Variants in SERPINB8 observed in about 807,000 individuals in gnomAD.
SERPINB8 encodes the protein serpin B8.
A neutral mutation model predicts 35.3 loss-of-function variants in SERPINB8; 25 were observed. The ratio of observed to expected loss-of-function variants is 0.71; its 90% confidence interval spans 0.52 to 0.99. SERPINB8 has a LOEUF of 0.99. SERPINB8 is among the 50% of genes least tolerant of loss of function. The pLI is 0.00. For synonymous variants in SERPINB8, 186 were observed against 160.8 expected, an observed-to-expected ratio of 1.16 and a Z score of -1.19; for missense variants, 484 against 446.5, an observed-to-expected ratio of 1.08 and a Z score of -0.76.
chr18:64,003,098 G>T (rs912939544), intron 1 of SERPINB8, among the ~76,000 whole-genome samples: 1 of 152,214 alleles, frequency 6.6e-6, no homozygotes, highest in African/African-American at 2.4e-5. Flanking sequence ...TCTCAGGAAA[G>T]GTCCTGCTAA....
At chr18:64,006,141 T>C (rs2332904), downstream of SERPINB8, among the ~76,000 whole-genome samples, 49,746 of 152,008 alleles carry the variant, frequency 0.33, 9,139 homozygotes, top group South Asian at 0.52. Context: ...TCTGATAAAA[T>C]GGCCATGTGG....
chr18:63,979,895 C>T lies in SERPINB8; in HGVS notation c.263C>T (p.Thr88Ile), dbSNP rs373316124. ...NRTGTQYLLR[T>I]ANRLFGEKTC... ...ACTGGCACTCAGTACTTGCTTAGAA[C>T]TGCCAACAGACTCTTTGGAGAAAAG... is the stretch of plus-strand genomic sequence containing the variant. The change falls in exon 3 of 7, where the codon ACT (threonine) becomes ATT (isoleucine). Residue 88 changes from threonine to isoleucine, a missense_variant. Thr to Ile is a moderately conservative substitution (Grantham distance 89). Coordinates refer to ENST00000397985, the MANE Select transcript of SERPINB8 (RefSeq NM_002640.4). 1.9e-6 allele frequency: 3 copies of T among 1,614,028 alleles called. No homozygotes were observed. The African/African-American group carries it at 4.0e-5, about 22-fold the overall frequency.
chr18:63,974,128 A>G (rs937020756), intron 1 of SERPINB8, among the ~76,000 whole-genome samples: 7 of 152,242 alleles, frequency 4.6e-5, no homozygotes, highest in South Asian at 4.1e-4. Context: ...AGGATTCTGT[A>G]GAGGTTTTCT....
rs759606314 is a variant in SERPINB8 at position 63,987,021 on chromosome 18, G to A, written c.868G>A (p.Asp290Asn). 5.6e-6 allele frequency: 9 copies of A among 1,614,080 alleles called. No individual in the cohort carries two copies. The highest frequency in any genetic ancestry group is 2.7e-5 in the African/African-American group (2 of 74,918). The part of the protein sequence containing the change: ...EPFLRRLGMI[D>N]AFDEAKADFS... ...TTTCCTTCGAAGATTAGGAATGATC[G>A]ATGCTTTTGACGAAGCCAAGGCAGA... Residue 290 changes from aspartate (D) to asparagine (N), a missense_variant, in exon 7 of 7, where the codon GAT (aspartate) becomes AAT (asparagine). By Grantham distance (23) the Asp-to-Asn change is conservative. Transcript: ENST00000397985.
At chr18:63,999,014 G>A (rs2050862492) in intron 1 of SERPINB8, among the ~76,000 whole-genome samples, 1 of 152,190 alleles carries the variant, frequency 6.6e-6, no homozygotes, top group Non-Finnish European at 1.5e-5. Flanking sequence ...CACTATTCTT[G>A]CTCATGGCAC....
Position 63,987,168 on chromosome 18 carries a change from C to A in SERPINB8, c.1015C>A (p.Arg339=), listed in dbSNP as rs150328649. Residue 339 remains arginine, a synonymous_variant, in exon 7 of 7, where the codon CGG becomes AGG. Coordinates refer to ENST00000397985, the MANE Select transcript of SERPINB8 (RefSeq NM_002640.4). ...AGCCACTGCTGTGGTCAGGAATTCC[C>A]GGTGCAGCAGAATGGAGCCAAGATT... The part of the protein sequence containing the change: ...AAATAVVRNS[R]CSRMEPRFCA... 24 of 1,614,028 alleles carry A rather than the reference C, an allele frequency of 1.5e-5. No homozygotes were observed. Among genetic ancestry groups the A allele is most frequent in the Non-Finnish European group, 1.9e-5 (23 of 1,180,040 alleles).
intron 4 of SERPINB8, among the ~76,000 whole-genome samples, chr18:63,982,684 C>T (rs754733132): frequency 1.3e-5 from 2 of 152,138 alleles, no homozygotes; most frequent in Non-Finnish European, 2.9e-5. Context: ...GTGGTCTTTC[C>T]AGTTGTTCAA....
In SERPINB8 at chr18:63,987,134, G is replaced by C. The variant is rs1379815090; in HGVS notation, c.981G>C (p.Glu327Asp). 6.2e-7 allele frequency: 1 copy of C among 1,613,986 alleles called. No homozygotes were observed. The highest frequency in any genetic ancestry group is 8.5e-7 in the Non-Finnish European group (1 of 1,179,988). The change falls in exon 7 of 7, where the codon GAG becomes GAC. Residue 327 changes from glutamate to aspartate, a missense_variant. Coordinates refer to ENST00000397985, the MANE Select transcript of SERPINB8 (RefSeq NM_002640.4). Reference protein sequence around the residue: ...CFVEVNEEGTEAAAATAVVRN... With the variant: ...CFVEVNEEGTDAAAATAVVRN... ...TGGAGGTCAATGAGGAAGGCACAGA[G>C]GCTGCCGCAGCCACTGCTGTGGTCA...
chr18:63,992,833 A>G (rs1407898969), downstream of SERPINB8, among the ~76,000 whole-genome samples: 1 of 152,040 alleles, frequency 6.6e-6, no homozygotes. Context: ...TAAAAGAGAT[A>G]GCAAAAAAAG....
intron 1 of SERPINB8, among the ~76,000 whole-genome samples, chr18:63,971,604 C>G (rs2144779786): frequency 6.6e-6 from 1 of 152,354 alleles, no homozygotes; most frequent in East Asian, 1.9e-4. Context: ...TTCCAGCCCC[C>G]ACTTCTCTAT....
rs1290251665 is a variant in SERPINB8 at position 63,988,631 on chromosome 18, T to C, written c.*1353T>C. The C allele has an allele frequency of 6.6e-6, 1 of 152,230 alleles. No individual in the cohort carries two copies. Among genetic ancestry groups the C allele is most frequent in the Non-Finnish European group, 1.5e-5 (1 of 68,034 alleles). The allele number at this position is 152,230 out of a possible 1,614,324, so 9.4% of individuals were successfully genotyped here. On this transcript the variant is annotated 3_prime_UTR_variant, in exon 7 of 7. Transcript: ENST00000397985. ...TGACTGCTGCCTGCTTTATTATTTCTTTAATGAGTTGGACTGAACAGTGGT... is the reference window on the plus strand; with the variant it reads ...TGACTGCTGCCTGCTTTATTATTTCCTTAATGAGTTGGACTGAACAGTGGT...
rs1240601788 is a variant in SERPINB8, at chr18:63,987,447, A to C, written c.*169A>C. ...GTTCCAGAGCCATTGAGAATAACTG[A>C]GGCCGCAGATGCATGAAATTTGGGC... On this transcript the variant is annotated 3_prime_UTR_variant, in exon 7 of 7. Coordinates refer to ENST00000397985, the MANE Select transcript of SERPINB8 (RefSeq NM_002640.4). The C allele has an allele frequency of 1.4e-6, 1 of 724,198 alleles. No homozygotes were observed. Among genetic ancestry groups the C allele is most frequent in the Non-Finnish European group, 2.2e-6 (1 of 456,914 alleles). The allele number at this position is 724,198 out of a possible 1,614,324, so 44.9% of individuals were successfully genotyped here.
chr18:64,017,346 A>G (rs2144854530), intron 7 of SERPINB8, among the ~76,000 whole-genome samples: 1 of 152,324 alleles, frequency 6.6e-6, no homozygotes, highest in Admixed American at 6.5e-5. Flanking sequence ...GTACAAAAAT[A>G]CTGATTCTAA....
downstream of SERPINB8, among the ~76,000 whole-genome samples, chr18:63,993,718 G>C (rs1412093680): frequency 6.6e-6 from 1 of 152,186 alleles, no homozygotes; most frequent in Non-Finnish European, 1.5e-5. Flanking sequence ...GATCCCATAG[G>C]CCTGACCATA....
chr18:64,008,538 C>A (rs1369178942), downstream of SERPINB8, among the ~76,000 whole-genome samples: 4 of 151,930 alleles, frequency 2.6e-5, no homozygotes, highest in Non-Finnish European at 4.4e-5. Context: ...TGTGAGCCAC[C>A]ATGCCTGGCC....
At chr18:64,008,968 G>C (rs2050913537), downstream of SERPINB8, among the ~76,000 whole-genome samples, 1 of 152,150 alleles carries the variant, frequency 6.6e-6, no homozygotes. Context: ...AGTATATAAA[G>C]AGGTTAGCTC....
Position 63,985,221 on chromosome 18 carries a change from C to A in SERPINB8, c.696C>A (p.Pro232=). The change falls in exon 6 of 7, where the codon CCC becomes CCA. Residue 232 remains proline (P), a synonymous_variant. Coordinates refer to ENST00000397985, the MANE Select transcript of SERPINB8 (RefSeq NM_002640.4). Reference sequence around the variant, plus strand: ...AGCTGAGCATGGTCATTCTGCTTCCCGATGACAACACGGACCTCGCCGTGG... The same window carrying A: ...AGCTGAGCATGGTCATTCTGCTTCCAGATGACAACACGGACCTCGCCGTGG... ...EEELSMVILL[P]DDNTDLAVVE... 2 of 1,614,146 alleles carry A rather than the reference C, an allele frequency of 1.2e-6. No homozygotes were observed. The highest frequency in any genetic ancestry group is 1.7e-6 in the Non-Finnish European group (2 of 1,180,016).
downstream of SERPINB8, among the ~76,000 whole-genome samples, chr18:63,992,484 C>A (rs1284397736): frequency 6.6e-6 from 1 of 152,038 alleles, no homozygotes; most frequent in Non-Finnish European, 1.5e-5. Flanking sequence ...GTAGCTTGTG[C>A]CTTTTTCTCT....
At chr18:64,015,013 T>C (rs1426017441) in intron 7 of SERPINB8, among the ~76,000 whole-genome samples, 1 of 152,224 alleles carries the variant, frequency 6.6e-6, no homozygotes, top group East Asian at 1.9e-4. Context: ...TTTAATTCTG[T>C]AGGCTCCAGG....
Sources: gnomAD v4.1 joint callset for allele counts (sites outside exome capture counted in the v4.1 genomes callset) on GRCh38, gnomAD v4.1.1 for gene constraint, MANE v1.5 for transcripts, NCBI Gene and HGNC (gene_info 2026-07-23, HGNC 2026-07-21) for gene names.